Variants in CALN1 observed in about 807,000 individuals in gnomAD.
CALN1 encodes calneuron 1.
In CALN1, 17 loss-of-function variants were observed where a neutral mutation model predicts 30.6. That is an observed-to-expected ratio of 0.56 (90% CI 0.38 to 0.83). CALN1 has a LOEUF of 0.83. Ranked by LOEUF, CALN1 falls within the 40% of genes least tolerant of loss-of-function variation. The probability of loss-of-function intolerance (pLI) is 0.00; values close to 1 mark genes in which losing one functional copy is unlikely to be tolerated. For synonymous variants in CALN1, 156 were observed against 131.4 expected, an observed-to-expected ratio of 1.19 and a Z score of -1.28; for missense variants, 291 against 354.9, an observed-to-expected ratio of 0.82 and a Z score of 1.45.
At chr7:72,193,409 T>G (rs954481886) in intron 3 of CALN1, among the ~76,000 whole-genome samples, 1 of 151,954 alleles carries the variant, frequency 6.6e-6, no homozygotes, top group African/African-American at 2.4e-5. Context: ...AGCTTGAAAA[T>G]AATAAAGAAT....
In CALN1 at chr7:71,861,553, A is replaced by T. The variant is rs552231213; in HGVS notation, c.502-51061T>A. Among the ~76,000 whole-genome samples, 10 of 151,962 alleles carry T rather than the reference A, an allele frequency of 6.6e-5. No individual in the cohort carries two copies. In the East Asian group the frequency reaches 1.9e-3, roughly 30 times the overall value. On this transcript the variant is annotated intron_variant, in intron 5 of 6. Coordinates refer to ENST00000395275, the MANE Select transcript of CALN1 (RefSeq NM_031468.4). ...CACGTTGGGTGGCCGAGGCAAGGGG[A>T]TCCCTTGAGACCAGGAATTCAAGAC... is the stretch of plus-strand genomic sequence containing the variant.
chr7:72,383,681 A>G (rs1805043263), intron 2 of CALN1, among the ~76,000 whole-genome samples: 1 of 152,198 alleles, frequency 6.6e-6, no homozygotes, highest in Non-Finnish European at 1.5e-5. Context: ...GAAGGGACAG[A>G]GCAGGGAGTC....
intron 3 of CALN1, among the ~76,000 whole-genome samples, chr7:72,260,480 A>C (rs1796190989): frequency 6.6e-6 from 1 of 152,220 alleles, no homozygotes; most frequent in African/African-American, 2.4e-5. Flanking sequence ...GATCAACCAC[A>C]GTCGTGGAGA....
At chr7:72,040,316 A>G (rs533313606) in intron 4 of CALN1, among the ~76,000 whole-genome samples, 1 of 140,252 alleles carries the variant, frequency 7.1e-6, no homozygotes, top group East Asian at 2.0e-4. Context: ...CCTTACAAAA[A>G]TTACAATAAA....
intron 5 of CALN1, among the ~76,000 whole-genome samples, chr7:71,885,084 A>G (rs1792818537): frequency 6.6e-6 from 1 of 152,194 alleles, no homozygotes; most frequent in Non-Finnish European, 1.5e-5. Context: ...AACTTCACCT[A>G]TAGCCTGGAA....
At chr7:72,309,335 A>G (rs1221400174) in intron 2 of CALN1, among the ~76,000 whole-genome samples, 2 of 152,082 alleles carry the variant, frequency 1.3e-5, no homozygotes, top group African/African-American at 4.8e-5. Context: ...AAACATACAC[A>G]TCAGTCTGTG....
intron 2 of CALN1, among the ~76,000 whole-genome samples, chr7:72,328,565 C>A (rs1396236582): frequency 2.6e-5 from 4 of 152,176 alleles, no homozygotes; most frequent in Admixed American, 1.3e-4. Context: ...GATGAGCATC[C>A]TGTGTTTTGT....
At chr7:72,468,466 A>G in the CALN1 span, among the ~76,000 whole-genome samples, 1 of 152,182 alleles carries the variant, frequency 6.6e-6, no homozygotes, top group African/African-American at 2.4e-5. Flanking sequence ...GGCATGTGCC[A>G]ACACTACCGG....
At chr7:72,006,841 G>A (rs1031048383) in intron 5 of CALN1, among the ~76,000 whole-genome samples, 15 of 152,096 alleles carry the variant, frequency 9.9e-5, no homozygotes, top group African/African-American at 3.6e-4. Flanking sequence ...CCTAGTCCGA[G>A]TCATCCGCAT....
the CALN1 span, among the ~76,000 whole-genome samples, chr7:72,486,484 G>A: frequency 1.1e-4 from 16 of 151,826 alleles, no homozygotes; most frequent in African/African-American, 3.9e-4. Context: ...TGATTATCCT[G>A]CCTCAGCCTC....
chr7:72,254,331 T>C (rs1795766720), intron 3 of CALN1, among the ~76,000 whole-genome samples: 1 of 152,148 alleles, frequency 6.6e-6, no homozygotes, highest in Non-Finnish European at 1.5e-5. Flanking sequence ...TGCATCAAAT[T>C]TGGGGAGAAT....
intron 2 of CALN1, among the ~76,000 whole-genome samples, chr7:72,307,415 T>C (rs1205003083): frequency 6.6e-6 from 1 of 152,168 alleles, no homozygotes; most frequent in African/African-American, 2.4e-5. Flanking sequence ...GGGCACACCC[T>C]ACGAAGGCTG....
chr7:72,007,225 T>C (rs993675343), intron 5 of CALN1, among the ~76,000 whole-genome samples: 3 of 152,218 alleles, frequency 2.0e-5, no homozygotes, highest in Non-Finnish European at 4.4e-5. Context: ...CCGGGGAACA[T>C]AAGTAGAAGT....
chr7:72,023,461 A>G (rs1176889862), intron 5 of CALN1, among the ~76,000 whole-genome samples, 196 bp downstream of exon 5: 1 of 152,202 alleles, frequency 6.6e-6, no homozygotes, highest in Non-Finnish European at 1.5e-5. Context: ...AAATTGCTAC[A>G]AGAAAAAAAT....
chr7:71,831,848 G>C (rs1789295115), intron 5 of CALN1, among the ~76,000 whole-genome samples: 1 of 125,044 alleles, frequency 8.0e-6, no homozygotes, highest in Non-Finnish European at 1.6e-5. Context: ...TCCAGTGTGG[G>C]TGAAGGGAGT....
At chr7:72,309,892 G>C (rs191615264) in intron 2 of CALN1, among the ~76,000 whole-genome samples, 208 of 152,264 alleles carry the variant, frequency 1.4e-3, no homozygotes, top group Non-Finnish European at 2.4e-3. Flanking sequence ...CCCGCTTCAA[G>C]GCTATCCAGG....
At chr7:72,316,010 G>C (rs561865572) in intron 2 of CALN1, among the ~76,000 whole-genome samples, 20 of 152,062 alleles carry the variant, frequency 1.3e-4, no homozygotes, top group African/African-American at 4.6e-4. Flanking sequence ...AACTAGCCAG[G>C]CATGGTGGCA....
At chr7:71,800,245 A>C (rs920590190) in intron 6 of CALN1, among the ~76,000 whole-genome samples, 2 of 152,156 alleles carry the variant, frequency 1.3e-5, no homozygotes, top group Non-Finnish European at 2.9e-5. Context: ...CAGCCTTTTC[A>C]TGGGATGGAT....
intron 1 of CALN1, among the ~76,000 whole-genome samples, chr7:72,411,834 CT>C (rs947576064): frequency 1.3e-5 from 2 of 152,176 alleles, no homozygotes; most frequent in Non-Finnish European, 2.9e-5. Flanking sequence ...AATTGTCCTG[CT>C]TTTTCCATAC....
Sources: allele counts gnomAD v4.1 joint callset (sites outside exome capture counted in the v4.1 genomes callset), GRCh38; gene constraint gnomAD v4.1.1; transcripts MANE v1.5; gene names NCBI Gene and HGNC (gene_info 2026-07-23, HGNC 2026-07-21).